SULT2B1: variants seen among roughly 807,000 people sequenced by gnomAD.
SULT2B1 encodes the protein sulfotransferase family 2B member 1.
In SULT2B1, 16 loss-of-function variants were observed where a neutral mutation model predicts 33.2. That is an observed-to-expected ratio of 0.48 (90% CI 0.33 to 0.73). The LOEUF is 0.73. Ranked by LOEUF, SULT2B1 falls within the 30% of genes least tolerant of loss-of-function variation. The pLI is 0.02. For missense variants in SULT2B1, 500 were observed against 506.0 expected (o/e 0.99, Z 0.11); for synonymous variants, 186 against 200.5 (o/e 0.93, Z 0.61).
chr19:48,590,136 C>T (rs2890071), intron 3 of SULT2B1, among the ~76,000 whole-genome samples: 102,097 of 151,696 alleles, frequency 0.67, 36,564 homozygotes, highest in Middle Eastern at 0.83. Flanking sequence ...TACAGGCGCC[C>T]ACCACCATGC....
Position 48,552,407 on chromosome 19 carries a change from GC to G in SULT2B1, c.71+86del. 2.7e-6 allele frequency: 4 copies of G among 1,461,014 alleles called. No individual in the cohort carries two copies. The highest frequency in any genetic ancestry group is 1.4e-5 in the African/African-American group (1 of 70,814). 90.5% of individuals were successfully genotyped at this position (1,461,014 alleles called of 1,614,324 possible). A position where few individuals can be genotyped will look rare whatever the true frequency, so the allele number is the denominator to read the frequency against. ...GGAGCCGGGGACTGTGGCAAGGGTG[GC>G]CTCCAGCCACCCGCAGCCGCAGGCC... On this transcript the variant is annotated intron_variant, in intron 1 of 6. Coordinates refer to ENST00000201586, the MANE Select transcript of SULT2B1 (RefSeq NM_177973.2). The surrounding 1 kb of genome is among the most constrained non-coding windows in gnomAD (Gnocchi z 4.8).
Position 48,576,081 on chromosome 19 carries a change from C to A in SULT2B1, c.212C>A (p.Ser71Ter), listed in dbSNP as rs1249030765. Residue 71 changes from serine to a stop codon, truncating the protein, a stop_gained and splice_region_variant, in exon 2 of 7, where the codon TCA becomes TAA. Transcript: ENST00000201586. LOFTEE classifies it high-confidence loss of function. ...DDIFIITYPK[S>*]GTTWMIEIIC... The stretch of plus-strand genomic sequence containing the variant: ...ATCTTTATCATCACCTACCCCAAGT[C>A]AGGTACCTGCCGGGCTGCGGGCGTC... The A allele has an allele frequency of 6.2e-7, 1 of 1,608,738 alleles. No individual in the cohort carries two copies.
intron 1 of SULT2B1, among the ~76,000 whole-genome samples, chr19:48,553,464 T>C (rs1479270555): frequency 1.3e-5 from 2 of 152,134 alleles, no homozygotes; most frequent in Non-Finnish European, 2.9e-5. Context: ...CCCGCCACCA[T>C]GCCCGGCTAA....
At chr19:48,561,848 C>T (rs568156769) in intron 1 of SULT2B1, among the ~76,000 whole-genome samples, 14 of 152,298 alleles carry the variant, frequency 9.2e-5, no homozygotes, top group Admixed American at 2.6e-4. Context: ...GGTGCAGTGG[C>T]TCATGCCTGT....
intron 2 of SULT2B1, among the ~76,000 whole-genome samples, chr19:48,582,394 C>T (rs1286930424): frequency 6.6e-6 from 1 of 150,960 alleles, no homozygotes; most frequent in East Asian, 1.9e-4. Flanking sequence ...TATGTATATA[C>T]AATGTAAACT....
intron 1 of SULT2B1, among the ~76,000 whole-genome samples, chr19:48,561,472 T>C (rs972727912): frequency 1.3e-5 from 2 of 150,814 alleles, no homozygotes; most frequent in African/African-American, 4.9e-5. Context: ...ATAAATTAAT[T>C]AAGATAAAAT....
chr19:48,574,803 C>A (rs768785657), intron 1 of SULT2B1, among the ~76,000 whole-genome samples: 16 of 152,282 alleles, frequency 1.1e-4, no homozygotes, highest in Non-Finnish European at 2.2e-4. Context: ...AGTGGCTAAT[C>A]CTCCTGAAAA....
Position 48,599,063 on chromosome 19 carries a change from G to A in SULT2B1, c.827-72G>A. The A allele has an allele frequency of 1.3e-6, 2 of 1,517,180 alleles. No homozygotes were observed. Among genetic ancestry groups the A allele is most frequent in the Non-Finnish European group, 1.8e-6 (2 of 1,137,798 alleles). 94.0% of individuals were successfully genotyped at this position (1,517,180 alleles called of 1,614,324 possible). On this transcript the variant is annotated intron_variant, in intron 6 of 6. Coordinates refer to ENST00000201586, the MANE Select transcript of SULT2B1 (RefSeq NM_177973.2). The surrounding 1 kb of genome is among the most constrained non-coding windows in gnomAD (Gnocchi z 4.1). ...AAAGGCCGGGAAGGGGAAGGAGGTTGCTGGAATGTTGGAGGTAGGGGCGCA... is the reference window on the plus strand; with the variant it reads ...AAAGGCCGGGAAGGGGAAGGAGGTTACTGGAATGTTGGAGGTAGGGGCGCA...
At chr19:48,579,605 C>CTTTCTTTCTTTTTTTTTTTT (rs71179013) in intron 2 of SULT2B1, among the ~76,000 whole-genome samples, 3 of 79,736 alleles carry the variant, frequency 3.8e-5, no homozygotes, top group Non-Finnish European at 4.5e-5. Flanking sequence ...TTCTTTCTTT[C>CTTTCTTTCTTTTTTTTTTTT]TTTTTTTTTT....
rs1003735036 is a variant in SULT2B1, at chr19:48,587,560, ACT to A, written c.423+126_423+127del. 4 of 1,090,522 alleles carry A rather than the reference ACT, an allele frequency of 3.7e-6. No homozygotes were observed. The African/African-American group carries it at 4.7e-5, about 13-fold the overall frequency. 67.6% of individuals were successfully genotyped at this position (1,090,522 alleles called of 1,614,324 possible). A position where few individuals can be genotyped will look rare whatever the true frequency, so the allele number is the denominator to read the frequency against. ...TTGTTAAACACCTACTATGTGCCTG[ACT>A]CTGATCTAGCACAGTGGTCAATATA... On this transcript the variant is annotated intron_variant, in intron 3 of 6. Transcript: ENST00000201586.
intron 1 of SULT2B1, among the ~76,000 whole-genome samples, chr19:48,553,718 A>T (rs896146615): frequency 6.6e-6 from 1 of 152,182 alleles, no homozygotes; most frequent in Non-Finnish European, 1.5e-5. Flanking sequence ...AGACAGGAGC[A>T]GTTCAATCCT....
chr19:48,590,943 C>T (rs1973635702), intron 3 of SULT2B1, among the ~76,000 whole-genome samples: 1 of 152,076 alleles, frequency 6.6e-6, no homozygotes, highest in South Asian at 2.1e-4. Flanking sequence ...AAGTGATCCT[C>T]CTGCCTTAGC....
intron 2 of SULT2B1, among the ~76,000 whole-genome samples, chr19:48,583,604 G>T (rs1359318298): frequency 6.6e-6 from 1 of 151,872 alleles, no homozygotes; most frequent in Non-Finnish European, 1.5e-5. Context: ...GATCACCTGA[G>T]GTCAGGAGTT....
chr19:48,570,110 T>C (rs925483632), intron 1 of SULT2B1, among the ~76,000 whole-genome samples: 1 of 151,972 alleles, frequency 6.6e-6, no homozygotes, highest in Non-Finnish European at 1.5e-5. Context: ...ACCTTCCAAG[T>C]CTGGCTCTTT....
In SULT2B1 at chr19:48,577,028, A is replaced by ATTTTT. The variant is rs71179012; in HGVS notation, c.214+966_214+970dup. Among the ~76,000 whole-genome samples, 73 of 92,948 alleles carry ATTTTT rather than the reference A, an allele frequency of 7.9e-4. 2 individuals carry two copies. The highest frequency in any genetic ancestry group is 1.8e-3 in the African/African-American group (38 of 21,442). The allele number at this position is 92,948 out of a possible 152,430, so 61.0% of individuals were successfully genotyped here. On this transcript the variant is annotated intron_variant, in intron 2 of 6. Transcript: ENST00000201586. The stretch of plus-strand genomic sequence containing the variant: ...TGGGCAAAATGGCAAACCCCCCTCT[A>ATTTTT]TTTTTTTTTTTTTTTTTTTTTTTTT...
intron 4 of SULT2B1, 117 bp from the exon 5 acceptor site, chr19:48,592,605 G>C: frequency 1.2e-6 from 1 of 843,986 alleles, no homozygotes; most frequent in South Asian, 1.6e-5. Flanking sequence ...AGGGCATCCA[G>C]CTCTGGGGGC....
At chr19:48,591,532 C>T (rs1483414649) in intron 3 of SULT2B1, 77 bp from the exon 4 acceptor site, 3 of 1,511,934 alleles carry the variant, frequency 2.0e-6, no homozygotes, top group Non-Finnish European at 2.7e-6. Flanking sequence ...GAGGGGTCTC[C>T]AGGGCAGGAG....
chr19:48,571,902 C>G (rs1601095261), intron 1 of SULT2B1, among the ~76,000 whole-genome samples: 1 of 152,026 alleles, frequency 6.6e-6, no homozygotes, highest in East Asian at 1.9e-4. Flanking sequence ...CATGAGGCAC[C>G]ATGCCCGGCT....
At chr19:48,581,470 G>GTTTTTTTTTTTTTTTTTTTTTTTT (rs1973485877) in intron 2 of SULT2B1, among the ~76,000 whole-genome samples, 1 of 60,214 alleles carries the variant, frequency 1.7e-5, no homozygotes, top group African/African-American at 8.0e-5. Flanking sequence ...TGAGATTTGA[G>GTTTTTTTTTTTTTTTTTTTTTTTT]AGTTTTTTTT....
Sources: gnomAD v4.1 joint callset for allele counts (sites outside exome capture counted in the v4.1 genomes callset) on GRCh38, gnomAD v4.1.1 for gene constraint, Gnocchi (gnomAD v3.1) non-coding constraint, MANE v1.5 for transcripts, NCBI Gene and HGNC (gene_info 2026-07-23, HGNC 2026-07-21) for gene names.